ATG7: variants seen among roughly 807,000 people sequenced by gnomAD.
The protein encoded by ATG7 is ubiquitin-like modifier-activating enzyme ATG7.
ATG7 carries 70 observed loss-of-function variants against 82.4 expected under a neutral mutation model. The ratio of observed to expected loss-of-function variants is 0.85; its 90% CI spans 0.70 to 1.04. The LOEUF (loss-of-function observed/expected upper bound fraction) is 1.04. Among genes scored for constraint, ATG7 ranks in the 50% least tolerant of loss-of-function variants. The pLI is 0.00. For missense variants in ATG7, 792 were observed against 864.3 expected (o/e 0.92, Z 1.05); for synonymous variants, 287 against 313.0 (o/e 0.92, Z 0.88).
chr3:11,520,999 G>A (rs1187475576), intron 20 of ATG7, among the ~76,000 whole-genome samples: 2 of 152,290 alleles, frequency 1.3e-5, no homozygotes, highest in Non-Finnish European at 2.9e-5. Context: ...CAGGCCCCAC[G>A]CAGGAGCTTG....
chr3:11,571,297 A>G, the ATG7 span, among the ~76,000 whole-genome samples: 1 of 152,186 alleles, frequency 6.6e-6, no homozygotes, highest in Non-Finnish European at 1.5e-5. Flanking sequence ...AAAAGCCACC[A>G]AAAAGTCAAG....
chr3:11,574,787 G>A, the ATG7 span, among the ~76,000 whole-genome samples: 7 of 60,974 alleles, frequency 1.1e-4, no homozygotes, highest in East Asian at 2.9e-4. Context: ...AACTATATAT[G>A]TGTGTGTGTG....
chr3:11,440,673 G>GTTTTTT (rs2083836620), intron 20 of ATG7, among the ~76,000 whole-genome samples: 6 of 32,702 alleles, frequency 1.8e-4, no homozygotes, highest in South Asian at 1.8e-3. Flanking sequence ...GTCCCCATTT[G>GTTTTTT]CTTTTTTTTT....
chr3:11,294,252 T>G (rs1329830739), intron 3 of ATG7, among the ~76,000 whole-genome samples: 1 of 152,030 alleles, frequency 6.6e-6, no homozygotes, highest in Non-Finnish European at 1.5e-5. Flanking sequence ...TTTTATTTTT[T>G]TTTGAAATGG....
In ATG7 at chr3:11,407,262, C is replaced by G. The variant is rs12490580; in HGVS notation, c.1957-19542C>G. ...GCTCCAAAATGATCTCCTTTGACTC[C>G]GTGTCTCACATCCAGGTCATGCTGA... is the stretch of plus-strand genomic sequence containing the variant. On this transcript the variant is annotated intron_variant, in intron 19 of 20. Coordinates refer to ENST00000693202, the MANE Select transcript of ATG7 (RefSeq NM_001349232.2). 1.2e-4 allele frequency among the ~76,000 whole-genome samples: 18 copies of G among 152,292 alleles called. No individual in the cohort carries two copies. The South Asian group carries it at 3.5e-3, about 30-fold the overall frequency.
rs1386943052 is a variant in ATG7 at position 11,422,769 on chromosome 3, T to TTTTTTTTTTTTTTTTTTTTG, written c.1957-4035_1957-4034insTTTTTTTTTTTTTTTTTTTG. The stretch of plus-strand genomic sequence containing the variant: ...TTTTTTTTTTTTTTTTTTTTTTTTT[T>TTTTTTTTTTTTTTTTTTTTG]GGAGACAGAGTCTCACTCCGTTGCC... On this transcript the variant is annotated intron_variant, in intron 19 of 20. Coordinates refer to ENST00000693202, the MANE Select transcript of ATG7 (RefSeq NM_001349232.2). 2.9e-5 allele frequency among the ~76,000 whole-genome samples: 3 copies of TTTTTTTTTTTTTTTTTTTTG among 102,628 alleles called. 1 individual carries two copies. Among genetic ancestry groups the TTTTTTTTTTTTTTTTTTTTG allele is most frequent in the African/African-American group, 1.2e-4 (3 of 25,202 alleles). The allele number at this position is 102,628 out of a possible 152,430, so 67.3% of individuals were successfully genotyped here. A position where few individuals can be genotyped will look rare whatever the true frequency, so the allele number is the denominator to read the frequency against.
chr3:11,344,738 C>T (rs1023332539), intron 13 of ATG7, among the ~76,000 whole-genome samples: 9 of 152,006 alleles, frequency 5.9e-5, no homozygotes, highest in African/African-American at 2.2e-4. Context: ...GCTGTAGTGG[C>T]GCGTGCCTGT....
intron 20 of ATG7, among the ~76,000 whole-genome samples, chr3:11,484,238 A>G (rs2089352266): frequency 6.6e-6 from 1 of 152,148 alleles, no homozygotes; most frequent in African/African-American, 2.4e-5. Flanking sequence ...TACCAAAAAC[A>G]CAAAAATCAG....
intron 5 of ATG7, among the ~76,000 whole-genome samples, chr3:11,299,644 C>T (rs1396588751): frequency 2.0e-5 from 3 of 152,074 alleles, no homozygotes; most frequent in Admixed American, 6.5e-5. Flanking sequence ...AATTAGGTGC[C>T]AGGTGCCATC....
chr3:11,553,984 C>A (rs1292283332), intron 20 of ATG7, among the ~76,000 whole-genome samples: 2 of 152,168 alleles, frequency 1.3e-5, no homozygotes, highest in Non-Finnish European at 2.9e-5. Flanking sequence ...CAGGGACTGG[C>A]CCTCCAGGGA....
downstream of ATG7, among the ~76,000 whole-genome samples, chr3:11,561,349 A>T (rs965201812): frequency 3.9e-5 from 6 of 152,140 alleles, no homozygotes; most frequent in Non-Finnish European, 7.4e-5. Flanking sequence ...CTAACAAGGG[A>T]CCAGCAGGGC....
intron 19 of ATG7, among the ~76,000 whole-genome samples, chr3:11,421,296 T>G (rs944879889): frequency 3.9e-5 from 6 of 152,208 alleles, no homozygotes; most frequent in South Asian, 2.1e-4. Context: ...GATAGCATTT[T>G]ACCCACAGCA....
chr3:11,501,828 T>G (rs947040667), intron 20 of ATG7, among the ~76,000 whole-genome samples: 1 of 152,150 alleles, frequency 6.6e-6, no homozygotes, highest in Non-Finnish European at 1.5e-5. Context: ...TAGCTGGGAT[T>G]ACAGGTGTGC....
At chr3:11,305,181 A>G (rs1203123406) in intron 5 of ATG7, among the ~76,000 whole-genome samples, 1 of 152,148 alleles carries the variant, frequency 6.6e-6, no homozygotes, top group Admixed American at 6.5e-5. Context: ...CTTCCCTCTC[A>G]TTATCACTTT....
At chr3:11,385,891 T>G (rs1011833450) in intron 19 of ATG7, among the ~76,000 whole-genome samples, 1 of 152,234 alleles carries the variant, frequency 6.6e-6, no homozygotes, top group African/African-American at 2.4e-5. Flanking sequence ...TCCTCTTGTC[T>G]TTGTGAGTGC....
chr3:11,390,324 A>C (rs558869543), intron 19 of ATG7, among the ~76,000 whole-genome samples: 56 of 152,350 alleles, frequency 3.7e-4, no homozygotes, highest in African/African-American at 1.3e-3. Context: ...TCTGAGTAAG[A>C]AAACAAAAAC....
At chr3:11,511,506 A>T (rs1044837303) in intron 20 of ATG7, among the ~76,000 whole-genome samples, 2 of 152,178 alleles carry the variant, frequency 1.3e-5, no homozygotes, top group Non-Finnish European at 2.9e-5. Flanking sequence ...CCATGTCCCC[A>T]CCAGACTCAG....
chr3:11,339,667 A>C (rs1953191226), intron 11 of ATG7, among the ~76,000 whole-genome samples: 1 of 152,354 alleles, frequency 6.6e-6, no homozygotes, highest in African/African-American at 2.4e-5. Context: ...CTGCAAAGCA[A>C]TTGAGATGTT....
At position 11,308,977 on chromosome 3, in the gene ATG7, C is replaced by CT. The variant is rs1299490071; in HGVS notation, c.334-5dup. The CT allele has an allele frequency of 1.5e-5, 24 of 1,612,248 alleles. No individual in the cohort carries two copies. The highest frequency in any genetic ancestry group is 2.0e-5 in the Non-Finnish European group (23 of 1,178,354). Reference sequence around the variant, plus strand: ...AACCTGCCTTGATGCTTTTCTTCTTCTTGCAGATATGGGAATCCATAAAAT... The same window carrying CT: ...AACCTGCCTTGATGCTTTTCTTCTTCTTTGCAGATATGGGAATCCATAAAAT... On this transcript the variant is annotated splice_region_variant and splice_polypyrimidine_tract_variant and intron_variant, in intron 6 of 20. Transcript: ENST00000693202.
Sources: allele counts gnomAD v4.1 joint callset (sites outside exome capture counted in the v4.1 genomes callset), GRCh38; gene constraint gnomAD v4.1.1; transcripts MANE v1.5; gene names NCBI Gene and HGNC (gene_info 2026-07-23, HGNC 2026-07-21).